Variants in MRTFA observed in about 807,000 individuals in gnomAD.
The protein encoded by MRTFA is myocardin related transcription factor A.
A neutral mutation model predicts 83.5 loss-of-function variants in MRTFA; 20 were observed. The ratio of observed to expected loss-of-function variants is 0.24; its 90% CI spans 0.17 to 0.35. The LOEUF is 0.35. Among genes scored for constraint, MRTFA ranks in the 10% least tolerant of loss-of-function variants. The pLI is 1.00. For missense variants in MRTFA, 1,200 were observed against 1,224.7 expected, an observed-to-expected ratio of 0.98 and a Z score of 0.30; for synonymous variants, 659 against 541.2, an observed-to-expected ratio of 1.22 and a Z score of -3.02.
At chr22:40,589,608 T>C (rs777278854) in intron 2 of MRTFA, among the ~76,000 whole-genome samples, 7 of 152,194 alleles carry the variant, frequency 4.6e-5, no homozygotes, top group Admixed American at 6.5e-5. Context: ...GTCTACTACA[T>C]GCTAATAATG....
intron 3 of MRTFA, among the ~76,000 whole-genome samples, chr22:40,487,060 T>C (rs781385339): frequency 6.6e-6 from 1 of 152,312 alleles, no homozygotes; most frequent in African/African-American, 2.4e-5. Context: ...GTAAACTTCA[T>C]ATATACTTGT....
intron 3 of MRTFA, among the ~76,000 whole-genome samples, chr22:40,476,589 G>A (rs1602306242): frequency 1.3e-5 from 2 of 152,062 alleles, no homozygotes; most frequent in East Asian, 3.9e-4. Context: ...AGCTTCTTCA[G>A]TAGCTGGGAC....
chr22:40,634,960 T>C (rs774566829), intron 1 of MRTFA, among the ~76,000 whole-genome samples: 74 of 152,166 alleles, frequency 4.9e-4, no homozygotes, highest in Admixed American at 2.0e-4. Flanking sequence ...TTGGAAGCCT[T>C]CTTAAAAACG....
At chr22:40,469,284 T>A (rs1275288211) in intron 3 of MRTFA, among the ~76,000 whole-genome samples, 1 of 152,332 alleles carries the variant, frequency 6.6e-6, no homozygotes, top group East Asian at 1.9e-4. Flanking sequence ...GCAGATGTCC[T>A]GGGAGTGGCT....
rs544930093 is a variant in MRTFA at position 40,414,431 on chromosome 22, T to G, written c.2579-2524A>C. Reference sequence around the variant, plus strand: ...AAAGCAGGGACTCAAGACAGACACTTGTACACTGACATTCACAACATCCAA... The same window carrying G: ...AAAGCAGGGACTCAAGACAGACACTGGTACACTGACATTCACAACATCCAA... On this transcript the variant is annotated intron_variant, in intron 14 of 14. Transcript: ENST00000355630. Among the ~76,000 whole-genome samples, 4 of 152,316 alleles carry G rather than the reference T, an allele frequency of 2.6e-5. No homozygotes were observed. In the South Asian group the frequency reaches 8.3e-4, roughly 32 times the overall value.
intron 1 of MRTFA, among the ~76,000 whole-genome samples, chr22:40,635,661 C>G (rs781518074): frequency 7.2e-5 from 11 of 152,296 alleles, no homozygotes; most frequent in Middle Eastern, 3.4e-3. Context: ...CACAGGCAAA[C>G]CAGGCATTCT....
intron 2 of MRTFA, among the ~76,000 whole-genome samples, chr22:40,579,047 G>A (rs2055909618): frequency 6.6e-6 from 1 of 152,216 alleles, no homozygotes; most frequent in South Asian, 2.1e-4. Context: ...GCTCAAGACT[G>A]TGGTGAGCTG....
intron 3 of MRTFA, among the ~76,000 whole-genome samples, chr22:40,495,631 C>T (rs910727420): frequency 6.6e-6 from 1 of 150,684 alleles, no homozygotes; most frequent in Non-Finnish European, 1.5e-5. Flanking sequence ...TGGTGGCGGT[C>T]GCCTGTAATC....
At chr22:40,583,913 A>G (rs1048278649) in intron 2 of MRTFA, among the ~76,000 whole-genome samples, 3 of 152,230 alleles carry the variant, frequency 2.0e-5, no homozygotes, top group African/African-American at 7.2e-5. Flanking sequence ...CAGTTCACAG[A>G]AAGTGCACAG....
chr22:40,628,664 AAAAG>A (rs2056607209), intron 1 of MRTFA, among the ~76,000 whole-genome samples: 1 of 152,222 alleles, frequency 6.6e-6, no homozygotes, highest in Non-Finnish European at 1.5e-5. Flanking sequence ...TAAAAAAAAA[AAAAG>A]ACATTTTCAC....
intron 1 of MRTFA, among the ~76,000 whole-genome samples, chr22:40,606,925 C>G (rs1181804364): frequency 6.6e-6 from 1 of 152,180 alleles, no homozygotes; most frequent in Non-Finnish European, 1.5e-5. Flanking sequence ...TTATCAAGCT[C>G]AGGAGTGTCT....
chr22:40,580,435 T>A (rs1234869371), intron 2 of MRTFA, among the ~76,000 whole-genome samples: 1 of 152,122 alleles, frequency 6.6e-6, no homozygotes, highest in African/African-American at 2.4e-5. Flanking sequence ...CTAGCCTCAA[T>A]CGATCCTCCC....
At chr22:40,490,963 T>C (rs1341180995) in intron 3 of MRTFA, among the ~76,000 whole-genome samples, 1 of 152,180 alleles carries the variant, frequency 6.6e-6, no homozygotes, top group East Asian at 1.9e-4. Flanking sequence ...CTAAAAGAAT[T>C]TTCCTCAAAT....
intron 3 of MRTFA, among the ~76,000 whole-genome samples, chr22:40,537,887 C>A (rs2055212355): frequency 1.4e-4 from 2 of 14,462 alleles, no homozygotes; most frequent in Admixed American, 4.6e-4. Context: ...CCGGCCGCCC[C>A]TACTGGGAAG....
At chr22:40,556,766 C>T (rs1000462304) in intron 2 of MRTFA, among the ~76,000 whole-genome samples, 1 of 152,170 alleles carries the variant, frequency 6.6e-6, no homozygotes, top group African/African-American at 2.4e-5. Flanking sequence ...AACTGTTACA[C>T]AGGATTAATC....
At chr22:40,582,247 C>T (rs1346673883) in intron 2 of MRTFA, among the ~76,000 whole-genome samples, 1 of 152,204 alleles carries the variant, frequency 6.6e-6, no homozygotes. Flanking sequence ...TGTATTGGTA[C>T]ACCATTCCTT....
At chr22:40,534,975 C>A (rs2055142817) in intron 3 of MRTFA, among the ~76,000 whole-genome samples, 1 of 152,124 alleles carries the variant, frequency 6.6e-6, no homozygotes, top group South Asian at 2.1e-4. Flanking sequence ...AGAAGCAATG[C>A]AAATTTGGGG....
Position 40,498,345 on chromosome 22 carries a change from C to T in MRTFA, c.242-35059G>A, listed in dbSNP as rs541371121. ...TGTAGCTCAGGATGGAGTACAGTGG[C>T]ATGATCACAGCTCACTGCAGCCCTG... On this transcript the variant is annotated intron_variant, in intron 3 of 14. Coordinates refer to ENST00000355630, the MANE Select transcript of MRTFA (RefSeq NM_020831.6). Among the ~76,000 whole-genome samples, 13 of 118,034 alleles carry T rather than the reference C, an allele frequency of 1.1e-4. No individual in the cohort carries two copies. The South Asian group carries it at 3.9e-3, about 36-fold the overall frequency. 77.4% of individuals were successfully genotyped at this position (118,034 alleles called of 152,430 possible).
chr22:40,578,632 C>A (rs1343270274), intron 2 of MRTFA, among the ~76,000 whole-genome samples: 2 of 151,986 alleles, frequency 1.3e-5, no homozygotes, highest in South Asian at 2.1e-4. Flanking sequence ...AGAAAAGTAG[C>A]GAGTTGAGGC....
Sources: allele counts gnomAD v4.1 joint callset (sites outside exome capture counted in the v4.1 genomes callset), GRCh38; gene constraint gnomAD v4.1.1; transcripts MANE v1.5; gene names NCBI Gene and HGNC (gene_info 2026-07-23, HGNC 2026-07-21).